The following SGCD variants were observed in gnomAD, a reference collection of about 807,000 sequenced individuals.
The protein encoded by SGCD is delta-sarcoglycan.
A neutral mutation model predicts 36.6 loss-of-function variants in SGCD; 18 were observed. That is an observed-to-expected ratio of 0.49 (90% confidence interval 0.34 to 0.73). The LOEUF is 0.73. Ranked by LOEUF, SGCD falls within the 30% of genes least tolerant of loss-of-function variation. The probability of loss-of-function intolerance (pLI) is 0.01; values close to 1 mark genes in which losing one functional copy is unlikely to be tolerated. For missense variants in SGCD, 387 were observed against 346.7 expected (o/e 1.12, Z -0.92); for synonymous variants, 133 against 130.6 (o/e 1.02, Z -0.12).
chr5:156,041,221 A>G (rs1759625721), intron 1 of SGCD, among the ~76,000 whole-genome samples: 1 of 152,224 alleles, frequency 6.6e-6, no homozygotes, highest in Non-Finnish European at 1.5e-5. Context: ...GCTAATAAAG[A>G]TGGCCTAGGC....
the SGCD span, among the ~76,000 whole-genome samples, chr5:155,855,224 C>A: frequency 6.6e-6 from 1 of 152,176 alleles, no homozygotes; most frequent in African/African-American, 2.4e-5. Context: ...CCCTCGGCAA[C>A]TCTACTGACT....
At chr5:156,062,083 TC>T (rs1760229803) in intron 1 of SGCD, among the ~76,000 whole-genome samples, 1 of 66,498 alleles carries the variant, frequency 1.5e-5, no homozygotes, top group Non-Finnish European at 2.7e-5. Context: ...CCCTCCCCCC[TC>T]CCCCGACCCC....
intron 3 of SGCD, among the ~76,000 whole-genome samples, chr5:156,145,557 G>T (rs1362571644): frequency 6.6e-6 from 1 of 152,214 alleles, no homozygotes; most frequent in South Asian, 2.1e-4. Context: ...AATTAAGAAT[G>T]AATTTTATGA....
chr5:155,823,383 G>C, the SGCD span, among the ~76,000 whole-genome samples: 2 of 151,736 alleles, frequency 1.3e-5, no homozygotes, highest in Non-Finnish European at 2.9e-5. Context: ...ACTCTGAGTG[G>C]ATTGGATAAT....
chr5:156,458,854 G>A (rs1754365056), intron 3 of SGCD, among the ~76,000 whole-genome samples: 1 of 152,158 alleles, frequency 6.6e-6, no homozygotes, highest in Non-Finnish European at 1.5e-5. Context: ...TGAGTCTTCA[G>A]TGGATTTTAA....
At chr5:155,857,486 C>A in the SGCD span, among the ~76,000 whole-genome samples, 1 of 152,032 alleles carries the variant, frequency 6.6e-6, no homozygotes, top group Non-Finnish European at 1.5e-5. Context: ...TACAGAACAA[C>A]AAAGATGAAT....
At chr5:156,375,363 T>G (rs141850648) in intron 3 of SGCD, among the ~76,000 whole-genome samples, 86 of 152,122 alleles carry the variant, frequency 5.7e-4, no homozygotes, top group African/African-American at 1.9e-3. Context: ...ATTTTCAGAT[T>G]TTGTCAGTTG....
upstream of SGCD, among the ~76,000 whole-genome samples, chr5:155,869,765 C>T (rs1755595818): frequency 6.6e-6 from 1 of 151,990 alleles, no homozygotes; most frequent in Admixed American, 6.6e-5. Flanking sequence ...CTTTGAGAGG[C>T]CAAGGTGGGC....
chr5:156,641,390 C>T (rs1358712044), intron 6 of SGCD, among the ~76,000 whole-genome samples: 1 of 152,124 alleles, frequency 6.6e-6, no homozygotes, highest in Non-Finnish European at 1.5e-5. Flanking sequence ...CATGAAGATA[C>T]CTTTAGCTAA....
chr5:156,645,403 T>C (rs1395825832), intron 6 of SGCD, among the ~76,000 whole-genome samples: 1 of 152,124 alleles, frequency 6.6e-6, no homozygotes, highest in East Asian at 1.9e-4. Flanking sequence ...AGAAACCTGA[T>C]AGCACTTGGA....
chr5:156,268,339 G>T (rs1018172206), intron 3 of SGCD, among the ~76,000 whole-genome samples: 12 of 152,104 alleles, frequency 7.9e-5, no homozygotes, highest in Non-Finnish European at 4.4e-5. Context: ...ATATTCCTCT[G>T]GGATTTTTGA....
chr5:156,334,609 C>CTTTTTTTTTTTTTTTTTTTTTTTTTT (rs35767339), intron 2 of SGCD, among the ~76,000 whole-genome samples: 1 of 105,066 alleles, frequency 9.5e-6, no homozygotes. Context: ...GGTCTATTTT[C>CTTTTTTTTTTTTTTTTTTTTTTTTTT]TTTTTTTTTT....
chr5:156,024,852 G>A (rs1211931999), intron 1 of SGCD, among the ~76,000 whole-genome samples: 1 of 151,898 alleles, frequency 6.6e-6, no homozygotes, highest in African/African-American at 2.4e-5. Context: ...CAGCTACTCG[G>A]GAGGCTGAGG....
At chr5:156,430,400 C>T (rs753218185) in intron 3 of SGCD, among the ~76,000 whole-genome samples, 3 of 151,616 alleles carry the variant, frequency 2.0e-5, no homozygotes, top group Non-Finnish European at 2.9e-5. Context: ...GTTTTTTATT[C>T]ATATCCTGGA....
intron 3 of SGCD, among the ~76,000 whole-genome samples, chr5:156,368,980 G>A (rs1020100803): frequency 6.6e-5 from 10 of 152,254 alleles, no homozygotes; most frequent in South Asian, 2.1e-4. Flanking sequence ...CTAGTCCCTC[G>A]TATCAAAAAG....
At chr5:156,388,913 A>G (rs1460297688) in intron 3 of SGCD, among the ~76,000 whole-genome samples, 3 of 152,200 alleles carry the variant, frequency 2.0e-5, no homozygotes, top group African/African-American at 4.8e-5. Flanking sequence ...AATCAAGGTT[A>G]TTTGTACAAT....
chr5:156,115,027 C>T (rs562522247), intron 1 of SGCD, among the ~76,000 whole-genome samples: 131 of 152,114 alleles, frequency 8.6e-4, no homozygotes, highest in African/African-American at 2.9e-3. Context: ...ATGGTGAATA[C>T]AGTGTGCTAA....
intron 3 of SGCD, among the ~76,000 whole-genome samples, chr5:156,486,960 A>G (rs1272226056): frequency 6.6e-6 from 1 of 152,082 alleles, no homozygotes; most frequent in Non-Finnish European, 1.5e-5. Flanking sequence ...TGCCACCCAG[A>G]TGCTTGAGGA....
At chr5:156,339,781 A>C (rs895435672) in intron 2 of SGCD, among the ~76,000 whole-genome samples, 1 of 152,252 alleles carries the variant, frequency 6.6e-6, no homozygotes, top group African/African-American at 2.4e-5. Flanking sequence ...CAAGTTAACA[A>C]CATGAATATA....
Sources: gnomAD v4.1 joint callset for allele counts (sites outside exome capture counted in the v4.1 genomes callset) on GRCh38, gnomAD v4.1.1 for gene constraint, MANE v1.5 for transcripts, NCBI Gene and HGNC (gene_info 2026-07-23, HGNC 2026-07-21) for gene names.